CNDP1: variants seen among roughly 807,000 people sequenced by gnomAD.
CNDP1 encodes the protein beta-Ala-His dipeptidase.
A neutral mutation model predicts 58.1 loss-of-function variants in CNDP1; 44 were observed. The ratio of observed to expected loss-of-function variants is 0.76; its 90% CI spans 0.60 to 0.97. CNDP1 has a LOEUF of 0.97. Among genes scored for constraint, CNDP1 ranks in the 50% least tolerant of loss-of-function variants. CNDP1 has a pLI of 0.00. For synonymous variants in CNDP1, 254 were observed against 252.6 expected (o/e 1.01, Z -0.05); for missense variants, 616 against 655.1 (o/e 0.94, Z 0.65).
At chr18:74,579,524 T>G (rs1177780676) in intron 9 of CNDP1, among the ~76,000 whole-genome samples, 1 of 151,918 alleles carries the variant, frequency 6.6e-6, no homozygotes, top group Non-Finnish European at 1.5e-5. Flanking sequence ...ACATGACACG[T>G]GTTCTATAAA....
intron 1 of CNDP1, among the ~76,000 whole-genome samples, chr18:74,540,197 GC>G (rs1980583396): frequency 2.8e-5 from 4 of 141,668 alleles, no homozygotes; most frequent in Middle Eastern, 3.8e-3. Flanking sequence ...TGGCTCTGTT[GC>G]CCAGGCTAGA....
intron 7 of CNDP1, among the ~76,000 whole-genome samples, chr18:74,573,888 A>T (rs1311543312): frequency 1.1e-5 from 1 of 93,078 alleles, no homozygotes; most frequent in Admixed American, 1.3e-4. Context: ...TTAGTTCTTG[A>T]TACAAATCAA....
At chr18:74,579,767 C>G (rs532940241) in intron 9 of CNDP1, among the ~76,000 whole-genome samples, 88 of 152,312 alleles carry the variant, frequency 5.8e-4, no homozygotes, top group African/African-American at 2.0e-3. Flanking sequence ...AAAGAGAAGT[C>G]CTGCTGTGTT....
intron 10 of CNDP1, among the ~76,000 whole-genome samples, 155 bp downstream of exon 10, chr18:74,580,426 C>T (rs563105085): frequency 2.6e-5 from 4 of 152,328 alleles, no homozygotes; most frequent in East Asian, 1.9e-4. Context: ...GTGCAGGGCA[C>T]GCTATACACG....
In CNDP1 at chr18:74,578,229, G is replaced by C; in HGVS notation, c.1069G>C (p.Asp357His). The change falls in exon 9 of 12, where the codon GAT becomes CAT. Residue 357 changes from aspartate to histidine, a missense_variant. Coordinates refer to ENST00000358821, the MANE Select transcript of CNDP1 (RefSeq NM_032649.6). ...LSIHGIEGAF[D>H]EPGTKTVIPG... Reference sequence around the variant, plus strand: ...TATTCATGGGATCGAGGGCGCGTTTGATGAGCCTGGAACTAAAACAGTCAT... The same window carrying C: ...TATTCATGGGATCGAGGGCGCGTTTCATGAGCCTGGAACTAAAACAGTCAT... 6.2e-7 allele frequency: 1 copy of C among 1,614,106 alleles called. No homozygotes were observed. The highest frequency in any genetic ancestry group is 8.5e-7 in the Non-Finnish European group (1 of 1,180,016).
chr18:74,575,576 A>AT (rs1237863663), intron 7 of CNDP1, among the ~76,000 whole-genome samples: 23 of 152,102 alleles, frequency 1.5e-4, no homozygotes, highest in Admixed American at 1.2e-3. Context: ...TTTAGTGATG[A>AT]TTTTTTCCAT....
At chr18:74,575,841 G>A (rs1372330654) in intron 7 of CNDP1, among the ~76,000 whole-genome samples, 16 of 147,968 alleles carry the variant, frequency 1.1e-4, no homozygotes, top group African/African-American at 2.0e-4. Context: ...ATGTGTGTGT[G>A]TGTGTGTGTG....
At chr18:74,568,710 A>G (rs1981393109) in intron 6 of CNDP1, among the ~76,000 whole-genome samples, 1 of 152,100 alleles carries the variant, frequency 6.6e-6, no homozygotes, top group South Asian at 2.1e-4. Flanking sequence ...TCTGTTTAGT[A>G]GGAAGTGAGT....
At chr18:74,551,436 G>A in intron 1 of CNDP1, among the ~76,000 whole-genome samples, 1 of 151,704 alleles carries the variant, frequency 6.6e-6, no homozygotes, top group Non-Finnish European at 1.5e-5. Flanking sequence ...AAAATGGATG[G>A]AGTCTCAGAT....
intron 7 of CNDP1, among the ~76,000 whole-genome samples, chr18:74,573,432 C>CCATTCATCCATCCATCCATT (rs1295629095): frequency 6.9e-6 from 1 of 144,536 alleles, no homozygotes; most frequent in East Asian, 2.0e-4. Context: ...ATCCATCCAA[C>CCATTCATCCATCCATCCATT]TATCTATCTA....
chr18:74,559,473 G>C lies in CNDP1; in HGVS notation c.303+1G>C, dbSNP rs1981130790. 6.2e-7 allele frequency: 1 copy of C among 1,603,058 alleles called. No individual in the cohort carries two copies. The highest frequency in any genetic ancestry group is 1.3e-5 in the African/African-American group (1 of 74,588). ...CTCGGTGGACATGGGTCCTCAGCAG[G>C]TGCTGTACGATTCCCTCCCACTGAG... On this transcript the variant is annotated splice_donor_variant, in intron 3 of 11. Coordinates refer to ENST00000358821, the MANE Select transcript of CNDP1 (RefSeq NM_032649.6). LOFTEE classifies it high-confidence loss of function.
rs998373809 is a variant in CNDP1, at chr18:74,565,751, A to G, written c.556-1482A>G. On this transcript the variant is annotated intron_variant, in intron 5 of 11. Coordinates refer to ENST00000358821, the MANE Select transcript of CNDP1 (RefSeq NM_032649.6). Reference sequence around the variant, plus strand: ...GGCATTGAGTGTCTGCGGTTTTTCCAGGTGCACGGTTCAAGCTGTCAGTGG... The same window carrying G: ...GGCATTGAGTGTCTGCGGTTTTTCCGGGTGCACGGTTCAAGCTGTCAGTGG... Among the ~76,000 whole-genome samples, 3 of 151,964 alleles carry G rather than the reference A, an allele frequency of 2.0e-5. No individual in the cohort carries two copies. The East Asian group carries it at 5.8e-4, about 29-fold the overall frequency.
rs1358423731 is a variant in CNDP1 at position 74,585,328 on chromosome 18, T to G, written c.*766T>G. On this transcript the variant is annotated 3_prime_UTR_variant, in exon 12 of 12. Coordinates refer to ENST00000358821, the MANE Select transcript of CNDP1 (RefSeq NM_032649.6). ...TCTCTATCCAACATCTGTGCACAGG[T>G]TGCACCAGAGCAGAATTTATCCTGA... The G allele has an allele frequency of 6.6e-6, 1 of 152,210 alleles. No homozygotes were observed. Among genetic ancestry groups the G allele is most frequent in the African/African-American group, 2.4e-5 (1 of 41,434 alleles). 9.4% of individuals were successfully genotyped at this position (152,210 alleles called of 1,614,324 possible).
chr18:74,573,386 TCATC>T (rs1981539687), intron 7 of CNDP1, among the ~76,000 whole-genome samples: 1 of 72,922 alleles, frequency 1.4e-5, no homozygotes, highest in African/African-American at 6.6e-5. Flanking sequence ...TTCTATCCAT[TCATC>T]CATCCATCTA....
chr18:74,553,329 C>T (rs1330006760), intron 1 of CNDP1, among the ~76,000 whole-genome samples: 1 of 152,102 alleles, frequency 6.6e-6, no homozygotes, highest in African/African-American at 2.4e-5. Context: ...ATCTAAGAAA[C>T]CATCACCTCA....
At position 74,534,592 on chromosome 18, in the gene CNDP1, G is replaced by A; in HGVS notation, c.-76G>A. On this transcript the variant is annotated 5_prime_UTR_variant, in exon 1 of 12. It introduces an in-frame stop codon into an upstream open reading frame of the 5' UTR. Coordinates refer to ENST00000358821, the MANE Select transcript of CNDP1 (RefSeq NM_032649.6). The stretch of plus-strand genomic sequence containing the variant: ...AGAGATATTTAATGTCACCCTCTTG[G>A]GGCTTTCATGGGACTCCCTCTGCCA... The A allele has an allele frequency of 2.0e-6, 3 of 1,491,268 alleles. No homozygotes were observed. The highest frequency in any genetic ancestry group is 1.1e-5 in the South Asian group (1 of 87,772). 92.4% of individuals were successfully genotyped at this position (1,491,268 alleles called of 1,614,324 possible).
rs374404266 is a variant in CNDP1 at position 74,556,379 on chromosome 18, C to T, written c.66C>T (p.Arg22=). Residue 22 remains arginine, a synonymous_variant, in exon 2 of 12, where the codon CGC becomes CGT. Transcript: ENST00000358821. ...LLAVLLLLLE[R]GMFSSPSPPP... is the part of the protein sequence containing the mutation. ...CTGTGCTGCTGCTGCTGCTGGAGCGCGGCATGTTCTCCTCACCCTCCCCGC... is the reference window on the plus strand; with the variant it reads ...CTGTGCTGCTGCTGCTGCTGGAGCGTGGCATGTTCTCCTCACCCTCCCCGC... The T allele has an allele frequency of 4.2e-5, 66 of 1,581,136 alleles. No homozygotes were observed. The South Asian group carries it at 5.1e-4, about 12-fold the overall frequency.
In CNDP1 at chr18:74,577,038, A is replaced by T. The variant is rs1225893083; in HGVS notation, c.1002+9A>T. ...TTCTGTTCGATACTAAGGTATGGCC[A>T]CAGACTGATGGATAAGCTGGAAGAG... On this transcript the variant is annotated intron_variant, in intron 8 of 11. Transcript: ENST00000358821. 2 of 1,601,184 alleles carry T rather than the reference A, an allele frequency of 1.2e-6. No homozygotes were observed. The highest frequency in any genetic ancestry group is 1.7e-6 in the Non-Finnish European group (2 of 1,173,840).
intron 3 of CNDP1, 32 bp downstream of exon 3, chr18:74,559,504 T>C: frequency 1.9e-6 from 3 of 1,579,872 alleles, no homozygotes; most frequent in Non-Finnish European, 2.6e-6. Context: ...CTGAGGGAGG[T>C]GCTACTTCTA....
Sources: allele counts gnomAD v4.1 joint callset (sites outside exome capture counted in the v4.1 genomes callset), GRCh38; gene constraint gnomAD v4.1.1; transcripts MANE v1.5; gene names NCBI Gene and HGNC (gene_info 2026-07-23, HGNC 2026-07-21).